Variants in BASP1 observed in about 807,000 individuals in gnomAD.
The protein encoded by BASP1 is brain abundant membrane attached signal protein 1, also known as brain acid soluble protein 1.
Under a neutral mutation model 2.2 loss-of-function variants are expected in BASP1, and 1 was observed. The ratio of observed to expected loss-of-function variants is 0.46; its 90% confidence interval spans 0.16 to 2.17. The LOEUF is 2.17. Among genes scored for constraint, BASP1 ranks in the 30% most tolerant of loss-of-function variants. The probability of loss-of-function intolerance (pLI) is 0.27; values close to 1 mark genes in which losing one functional copy is unlikely to be tolerated. For missense variants in BASP1, 352 were observed against 327.2 expected, an observed-to-expected ratio of 1.08 and a Z score of -0.58; for synonymous variants, 187 against 154.2, an observed-to-expected ratio of 1.21 and a Z score of -1.58.
chr5:17,258,187 C>T (rs1740252285), intron 1 of BASP1, among the ~76,000 whole-genome samples: 1 of 152,086 alleles, frequency 6.6e-6, no homozygotes, highest in African/African-American at 2.4e-5. Flanking sequence ...GATGAGATTT[C>T]ACTGGGGCCG....
In BASP1 at chr5:17,276,573, G is replaced by A. The variant is rs755373647; in HGVS notation, c.*673G>A. 1 of 160,824 alleles carries A rather than the reference G, an allele frequency of 6.2e-6. No individual in the cohort carries two copies. The highest frequency in any genetic ancestry group is 1.5e-5 in the Non-Finnish European group (1 of 67,244). The allele number at this position is 160,824 out of a possible 1,614,324, so 10.0% of individuals were successfully genotyped here. A position where few individuals can be genotyped will look rare whatever the true frequency, so the allele number is the denominator to read the frequency against. Reference sequence around the variant, plus strand: ...TTAGCCTACCTAGATTTCTCATGACGAGTTAATGCATGTCCGTGGTTGGGT... The same window carrying A: ...TTAGCCTACCTAGATTTCTCATGACAAGTTAATGCATGTCCGTGGTTGGGT... On this transcript the variant is annotated 3_prime_UTR_variant, in exon 2 of 2. Transcript: ENST00000322611.
At chr5:17,218,598 G>C (rs1208993304) in intron 1 of BASP1, among the ~76,000 whole-genome samples, 1 of 152,032 alleles carries the variant, frequency 6.6e-6, no homozygotes, top group African/African-American at 2.4e-5. Flanking sequence ...CCCGGCCCCG[G>C]CCCGGGCCCG....
At chr5:17,240,886 G>T (rs1479077893) in intron 1 of BASP1, among the ~76,000 whole-genome samples, 1 of 152,106 alleles carries the variant, frequency 6.6e-6, no homozygotes, top group Non-Finnish European at 1.5e-5. Context: ...TTGTGATTTT[G>T]ATCTTAAGTT....
intron 1 of BASP1, among the ~76,000 whole-genome samples, chr5:17,267,806 C>T (rs1008162226): frequency 2.2e-5 from 3 of 137,322 alleles, no homozygotes; most frequent in Non-Finnish European, 4.6e-5. Context: ...CGTGAGCCAC[C>T]GCTCCCAGCC....
rs1310587372 is a variant in BASP1 at position 17,275,965 on chromosome 5, CTCTCTA to C, written c.*71_*76del. 1,040 of 1,236,312 alleles carry C rather than the reference CTCTCTA, an allele frequency of 8.4e-4. 7 individuals carry two copies. In the African/African-American group the frequency reaches 0.013, roughly 15 times the overall value. The allele number at this position is 1,236,312 out of a possible 1,614,324, so 76.6% of individuals were successfully genotyped here. Reference sequence around the variant, plus strand: ...ATCTCCTCTCTCTCTCTCTCTCTCTCTCTCTATCTCTCTCTCTATCTCCTCTCTCTC... The same window carrying C: ...ATCTCCTCTCTCTCTCTCTCTCTCTCTCTCTCTCTCTATCTCCTCTCTCTC... On this transcript the variant is annotated 3_prime_UTR_variant, in exon 2 of 2. Transcript: ENST00000322611. The surrounding 1 kb of genome is among the most constrained non-coding windows in gnomAD (Gnocchi z 5.3).
intron 1 of BASP1, among the ~76,000 whole-genome samples, chr5:17,229,784 GTT>G (rs60139148): frequency 0.26 from 33,111 of 128,888 alleles, 3,775 homozygotes; most frequent in East Asian, 0.33. Flanking sequence ...GTAGGATTGG[GTT>G]TTTTTTTTTT....
chr5:17,234,298 T>G (rs571773939), intron 1 of BASP1, among the ~76,000 whole-genome samples: 2 of 152,206 alleles, frequency 1.3e-5, no homozygotes, highest in East Asian at 3.8e-4. Flanking sequence ...TTCAACTGTA[T>G]GAAGATTATT....
Position 17,275,959 on chromosome 5 carries a change from CTCTCTCTCTCTA to C in BASP1, c.*76_*87del, listed in dbSNP as rs1010240866. 1.9e-5 allele frequency: 27 copies of C among 1,399,334 alleles called. No homozygotes were observed. Among genetic ancestry groups the C allele is most frequent in the African/African-American group, 8.9e-5 (6 of 67,690 alleles). The allele number at this position is 1,399,334 out of a possible 1,614,324, so 86.7% of individuals were successfully genotyped here. On this transcript the variant is annotated 3_prime_UTR_variant, in exon 2 of 2. Coordinates refer to ENST00000322611, the MANE Select transcript of BASP1 (RefSeq NM_006317.5). This position sits in a 1 kb window ranked among gnomAD's most constrained non-coding sequence, Gnocchi z 5.3. ...AAAACAATCTCCTCTCTCTCTCTCT[CTCTCTCTCTCTA>C]TCTCTCTCTCTATCTCCTCTCTCTC...
In BASP1 at chr5:17,275,172, A is replaced by C; in HGVS notation, c.-9-36A>C. ...TTTGTGGTCCCCACACTTGCCTAGTAACCGCCGTTTTGTTTTGTTTTGTGT... is the reference window on the plus strand; with the variant it reads ...TTTGTGGTCCCCACACTTGCCTAGTCACCGCCGTTTTGTTTTGTTTTGTGT... On this transcript the variant is annotated intron_variant, in intron 1 of 1. Coordinates refer to ENST00000322611, the MANE Select transcript of BASP1 (RefSeq NM_006317.5). The surrounding 1 kb of genome is among the most constrained non-coding windows in gnomAD (Gnocchi z 5.3). The C allele has an allele frequency of 6.2e-7, 1 of 1,604,238 alleles. No homozygotes were observed. The highest frequency in any genetic ancestry group is 1.7e-5 in the Admixed American group (1 of 59,114).
At position 17,236,176 on chromosome 5, in the gene BASP1, G is replaced by A. The variant is rs1561167456; in HGVS notation, c.-10+18366G>A. On this transcript the variant is annotated intron_variant, in intron 1 of 1. Transcript: ENST00000322611. This position sits in a 1 kb window ranked among gnomAD's most constrained non-coding sequence, Gnocchi z 4.0. ...TCTTTAAGACTATTCTACCTTGGGGGAGAAAAGCAAAAATGATTTCTTATT... is the reference window on the plus strand; with the variant it reads ...TCTTTAAGACTATTCTACCTTGGGGAAGAAAAGCAAAAATGATTTCTTATT... 6.6e-6 allele frequency among the ~76,000 whole-genome samples: 1 copy of A among 152,124 alleles called. No individual in the cohort carries two copies. The highest frequency in any genetic ancestry group is 1.5e-5 in the Non-Finnish European group (1 of 68,028).
chr5:17,242,875 A>AT (rs981043783), intron 1 of BASP1, among the ~76,000 whole-genome samples: 245 of 150,408 alleles, frequency 1.6e-3, no homozygotes, highest in African/African-American at 5.3e-3. Flanking sequence ...AATCGTAAGC[A>AT]TTTTTTTTTC....
intron 1 of BASP1, among the ~76,000 whole-genome samples, chr5:17,223,503 T>C (rs976055721): frequency 6.6e-6 from 1 of 152,208 alleles, no homozygotes; most frequent in African/African-American, 2.4e-5. Flanking sequence ...AGGTAGAATA[T>C]AGAAGTCTGC....
chr5:17,264,131 A>T (rs932242698), intron 1 of BASP1, among the ~76,000 whole-genome samples: 7 of 152,228 alleles, frequency 4.6e-5, no homozygotes, highest in African/African-American at 1.7e-4. Context: ...TAGAATAAAA[A>T]TTTTGACCTT....
At chr5:17,231,376 T>C (rs298525) in intron 1 of BASP1, among the ~76,000 whole-genome samples, 54,440 of 151,926 alleles carry the variant, frequency 0.36, 10,176 homozygotes, top group East Asian at 0.45. Flanking sequence ...AAGCTTCTAT[T>C]CTCTCCTGGA....
At chr5:17,262,053 A>T (rs564093296) in intron 1 of BASP1, among the ~76,000 whole-genome samples, 19 of 152,158 alleles carry the variant, frequency 1.2e-4, no homozygotes, top group Non-Finnish European at 2.4e-4. Flanking sequence ...GCTGCTTTGT[A>T]AAATTTTCTC....
At chr5:17,225,492 T>C (rs1739482563) in intron 1 of BASP1, among the ~76,000 whole-genome samples, 1 of 152,256 alleles carries the variant, frequency 6.6e-6, no homozygotes, top group Non-Finnish European at 1.5e-5. Flanking sequence ...TGGCATGCAC[T>C]GAAATAACTT....
chr5:17,227,078 G>A (rs529974270), intron 1 of BASP1, among the ~76,000 whole-genome samples: 1 of 149,950 alleles, frequency 6.7e-6, no homozygotes, highest in Non-Finnish European at 1.5e-5. Flanking sequence ...ACTGGCACCC[G>A]CCACCATGCC....
intron 1 of BASP1, among the ~76,000 whole-genome samples, chr5:17,247,778 A>G (rs972487273): frequency 5.3e-5 from 8 of 152,322 alleles, no homozygotes; most frequent in South Asian, 2.1e-4. Context: ...TCGTATGTAC[A>G]TTTTTGTTGC....
chr5:17,269,018 C>G (rs1438990094), intron 1 of BASP1, among the ~76,000 whole-genome samples: 1 of 152,132 alleles, frequency 6.6e-6, no homozygotes, highest in Non-Finnish European at 1.5e-5. Flanking sequence ...TATGTTCATT[C>G]TTTATTTTTA....
Sources: allele counts gnomAD v4.1 joint callset (sites outside exome capture counted in the v4.1 genomes callset), GRCh38; gene constraint gnomAD v4.1.1; non-coding constraint Gnocchi (gnomAD v3.1); transcripts MANE v1.5; gene names NCBI Gene and HGNC (gene_info 2026-07-23, HGNC 2026-07-21).